Variants in WWOX observed in about 807,000 individuals in gnomAD.
The protein encoded by WWOX is WW domain-containing oxidoreductase.
WWOX carries 69 observed loss-of-function variants against 46.2 expected under a neutral mutation model. That is an observed-to-expected ratio of 1.49 (90% confidence interval 1.23 to 1.82). WWOX has a LOEUF of 1.82. Ranked by LOEUF, WWOX falls within the 40% of genes most tolerant of loss-of-function variation. WWOX has a pLI of 0.00. For missense variants in WWOX, 919 were observed against 542.6 expected, an observed-to-expected ratio of 1.69 and a Z score of -6.89; for synonymous variants, 359 against 202.6, an observed-to-expected ratio of 1.77 and a Z score of -6.56.
In WWOX at chr16:78,662,981, C is replaced by G. The variant is rs895326462; in HGVS notation, c.1056+230229C>G. Among the ~76,000 whole-genome samples the G allele has an allele frequency of 2.6e-5, 4 of 152,250 alleles. No homozygotes were observed. In the East Asian group the frequency reaches 7.7e-4, roughly 29 times the overall value. ...TTAACTTAATCTTGGAAGTCACATC[C>G]TATCGCTTTGGTTTTTTGACTGAGA... On this transcript the variant is annotated intron_variant, in intron 8 of 8. Coordinates refer to ENST00000566780, the MANE Select transcript of WWOX (RefSeq NM_016373.4).
chr16:79,156,888 T>G (rs2050392602), intron 8 of WWOX, among the ~76,000 whole-genome samples: 1 of 151,322 alleles, frequency 6.6e-6, no homozygotes. Context: ...AACTAACAAC[T>G]AACAGAAAAA....
intron 8 of WWOX, among the ~76,000 whole-genome samples, chr16:78,533,434 AAAT>A (rs1156906621): frequency 6.6e-6 from 1 of 151,460 alleles, no homozygotes; most frequent in African/African-American, 2.4e-5. Context: ...AATCCCCAAA[AAAT>A]CTCATAATGT....
chr16:78,609,630 C>A (rs368385626), intron 8 of WWOX, among the ~76,000 whole-genome samples: 1 of 151,844 alleles, frequency 6.6e-6, no homozygotes, highest in East Asian at 1.9e-4. Flanking sequence ...TGGGGGCTTC[C>A]TGGTCCCTGT....
At chr16:78,930,698 A>G (rs1022498820) in intron 8 of WWOX, among the ~76,000 whole-genome samples, 14 of 151,996 alleles carry the variant, frequency 9.2e-5, no homozygotes, top group Admixed American at 3.9e-4. Flanking sequence ...TATCAAGGAC[A>G]AAGAGCAGAA....
At chr16:78,238,250 A>T (rs1597387824) in intron 5 of WWOX, 1 of 152,238 alleles carries the variant, frequency 6.6e-6, no homozygotes, top group Admixed American at 6.5e-5. Context: ...GTGAAATTTG[A>T]CTTCAGCTTT....
At chr16:78,620,925 A>G (rs2046165053) in intron 8 of WWOX, among the ~76,000 whole-genome samples, 1 of 152,132 alleles carries the variant, frequency 6.6e-6, no homozygotes, top group African/African-American at 2.4e-5. Flanking sequence ...CAATTCACTT[A>G]CCCAGATTGT....
chr16:78,672,061 T>C (rs980878222), intron 8 of WWOX, among the ~76,000 whole-genome samples: 2 of 152,202 alleles, frequency 1.3e-5, no homozygotes, highest in Non-Finnish European at 2.9e-5. Flanking sequence ...AGGATCATGA[T>C]TAAAAAGCAT....
intron 6 of WWOX, among the ~76,000 whole-genome samples, chr16:78,420,903 G>C (rs574199530): frequency 6.6e-6 from 1 of 152,074 alleles, no homozygotes; most frequent in African/African-American, 2.4e-5. Flanking sequence ...AAATCTTTTC[G>C]TGGGGTATGG....
intron 8 of WWOX, chr16:78,996,376 A>ACCCCCCCCCCCCCCCCC (rs1338159064): frequency 9.1e-6 from 4 of 438,796 alleles, no homozygotes; most frequent in African/African-American, 5.3e-5. Context: ...TTCTGCACCC[A>ACCCCCCCCCCCCCCCCC]CCCCCGCCCC....
rs548284459 is a variant in WWOX, at chr16:79,045,236, A to G, written c.1057-166372A>G. Among the ~76,000 whole-genome samples, 8 of 152,340 alleles carry G rather than the reference A, an allele frequency of 5.3e-5. No homozygotes were observed. In the South Asian group the frequency reaches 1.4e-3, roughly 28 times the overall value. Reference sequence around the variant, plus strand: ...TGTGGTGGATGTACCTCATTTCAGCAAGAGCTTTCTAAGGGTACAGAATTA... The same window carrying G: ...TGTGGTGGATGTACCTCATTTCAGCGAGAGCTTTCTAAGGGTACAGAATTA... On this transcript the variant is annotated intron_variant, in intron 8 of 8. Transcript: ENST00000566780.
At chr16:78,648,992 G>A (rs554909171) in intron 8 of WWOX, among the ~76,000 whole-genome samples, 5 of 151,972 alleles carry the variant, frequency 3.3e-5, no homozygotes, top group African/African-American at 1.2e-4. Context: ...TTTATTTTTT[G>A]AGAGGGAGTC....
intron 8 of WWOX, among the ~76,000 whole-genome samples, chr16:78,664,060 G>C (rs1031729819): frequency 6.6e-6 from 1 of 152,144 alleles, no homozygotes; most frequent in Non-Finnish European, 1.5e-5. Context: ...TTTAAAAGAC[G>C]CCATGGTTGC....
intron 8 of WWOX, among the ~76,000 whole-genome samples, chr16:78,945,785 A>G (rs1050363327): frequency 3.3e-5 from 5 of 151,390 alleles, no homozygotes; most frequent in African/African-American, 1.2e-4. Context: ...TATGTGTATT[A>G]TGTTCTTGGT....
chr16:79,130,644 G>A (rs539714754), intron 8 of WWOX, among the ~76,000 whole-genome samples: 2 of 152,296 alleles, frequency 1.3e-5, no homozygotes, highest in African/African-American at 4.8e-5. Context: ...CACTTAGGAA[G>A]CCAAGAACAA....
At chr16:78,930,760 G>A (rs80164855) in intron 8 of WWOX, among the ~76,000 whole-genome samples, 6,353 of 152,118 alleles carry the variant, frequency 0.042, 380 homozygotes, top group East Asian at 0.17. Flanking sequence ...AAAAGTCCTG[G>A]CAAGGTTCCA....
chr16:78,452,519 C>T (rs1375653599), intron 8 of WWOX, among the ~76,000 whole-genome samples: 3 of 144,354 alleles, frequency 2.1e-5, no homozygotes, highest in Non-Finnish European at 3.0e-5. Flanking sequence ...TTCTGTTGCC[C>T]AGGCTGGAGT....
intron 5 of WWOX, among the ~76,000 whole-genome samples, chr16:78,360,385 A>T (rs1028242185): frequency 5.9e-5 from 9 of 152,106 alleles, no homozygotes; most frequent in African/African-American, 1.9e-4. Context: ...CAGGAGTTCA[A>T]GACCAGCCTG....
At chr16:79,099,647 A>C (rs1228150288) in intron 8 of WWOX, among the ~76,000 whole-genome samples, 1 of 151,990 alleles carries the variant, frequency 6.6e-6, no homozygotes, top group African/African-American at 2.4e-5. Context: ...AATATTGGCA[A>C]CTAATTCAAT....
chr16:78,565,566 A>G (rs139082343), intron 8 of WWOX, among the ~76,000 whole-genome samples: 2,988 of 152,304 alleles, frequency 0.02, 58 homozygotes, highest in African/African-American at 0.048. Context: ...GAATACCCAG[A>G]TAATCTTGGA....
Sources: allele counts gnomAD v4.1 joint callset (sites outside exome capture counted in the v4.1 genomes callset), GRCh38; gene constraint gnomAD v4.1.1; transcripts MANE v1.5; gene names NCBI Gene and HGNC (gene_info 2026-07-23, HGNC 2026-07-21).